Variants in SNX27 observed in about 807,000 individuals in gnomAD.
SNX27 encodes the protein sorting nexin-27.
In SNX27, 22 loss-of-function variants were observed where a neutral mutation model predicts 71.6. The observed-to-expected ratio is 0.31, with a 90% confidence interval of 0.22 to 0.44. The LOEUF is 0.44. Among genes scored for constraint, SNX27 ranks in the 20% least tolerant of loss-of-function variants. The pLI is 1.00. For missense variants in SNX27, 531 were observed against 698.6 expected (o/e 0.76, Z 2.70); for synonymous variants, 269 against 277.2 (o/e 0.97, Z 0.29).
chr1:151,673,829 A>G (rs751718916), intron 7 of SNX27, among the ~76,000 whole-genome samples: 4 of 151,872 alleles, frequency 2.6e-5, no homozygotes, highest in African/African-American at 4.8e-5. Flanking sequence ...CTTACAATCT[A>G]TTTTGTCTGA....
In SNX27 at chr1:151,624,327, T is replaced by A. The variant is rs1266480317; in HGVS notation, c.311+11815T>A. Among the ~76,000 whole-genome samples the A allele has an allele frequency of 2.0e-5, 3 of 151,872 alleles. 1 individual carries two copies. The highest frequency in any genetic ancestry group is 4.4e-5 in the Non-Finnish European group (3 of 67,952). On this transcript the variant is annotated intron_variant, in intron 1 of 11. Transcript: ENST00000458013. Reference sequence around the variant, plus strand: ...AGTGAAATGGACAGGTTTGTTTTTATTCTTGGTGACAAGTGGTTACATTGG... The same window carrying A: ...AGTGAAATGGACAGGTTTGTTTTTAATCTTGGTGACAAGTGGTTACATTGG...
chr1:151,626,204 G>A (rs188013217), intron 1 of SNX27, among the ~76,000 whole-genome samples: 1 of 150,642 alleles, frequency 6.6e-6, no homozygotes, highest in East Asian at 1.9e-4. Flanking sequence ...AAGGATTTGA[G>A]AAGTAAAGCT....
chr1:151,683,379 T>A lies in SNX27; in HGVS notation c.1173T>A (p.Gly391=). 6.2e-7 allele frequency: 1 copy of A among 1,613,232 alleles called. No individual in the cohort carries two copies. The highest frequency in any genetic ancestry group is 8.5e-7 in the Non-Finnish European group (1 of 1,179,754). ...AGGCAGTCGATGATGTGAAGAAAGGTTACATCAAAGCAGAAGAAAAGTCCT... is the reference window on the plus strand; with the variant it reads ...AGGCAGTCGATGATGTGAAGAAAGGATACATCAAAGCAGAAGAAAAGTCCT... The part of the protein sequence containing the change: ...FHQAVDDVKK[G]YIKAEEKSYQ... The change falls in exon 8 of 12, where the codon GGT becomes GGA. Residue 391 remains glycine, a synonymous_variant. Coordinates refer to ENST00000458013, the MANE Select transcript of SNX27 (RefSeq NM_001330723.2).
chr1:151,639,568 GTC>G (rs1668625000), intron 2 of SNX27, among the ~76,000 whole-genome samples: 1 of 152,248 alleles, frequency 6.6e-6, no homozygotes, highest in East Asian at 1.9e-4. Context: ...GAACTTAGAT[GTC>G]TCTACTCTTC....
intron 8 of SNX27, among the ~76,000 whole-genome samples, chr1:151,692,072 T>G (rs565150011): frequency 3.3e-5 from 5 of 152,046 alleles, no homozygotes; most frequent in Non-Finnish European, 5.9e-5. Flanking sequence ...TGGTGGTGTG[T>G]GCCTGTGGTC....
chr1:151,623,636 A>G (rs746799265), intron 1 of SNX27, among the ~76,000 whole-genome samples: 52 of 150,030 alleles, frequency 3.5e-4, no homozygotes, highest in Admixed American at 1.6e-3. Context: ...GTGGATTCAA[A>G]TGATCCTCCC....
At chr1:151,673,604 C>T (rs1283859566) in intron 7 of SNX27, among the ~76,000 whole-genome samples, 1 of 152,078 alleles carries the variant, frequency 6.6e-6, no homozygotes, top group Non-Finnish European at 1.5e-5. Context: ...GAAGATCTGT[C>T]CAGTACTGAA....
chr1:151,629,491 GTA>G (rs1410373491), intron 1 of SNX27: 1 of 147,514 alleles, frequency 6.8e-6, no homozygotes, highest in Non-Finnish European at 1.5e-5. Flanking sequence ...ATATATACAT[GTA>G]TGCGTATATA....
intron 2 of SNX27, among the ~76,000 whole-genome samples, chr1:151,652,690 C>T (rs1394761476): frequency 6.6e-6 from 1 of 152,020 alleles, no homozygotes; most frequent in African/African-American, 2.4e-5. Context: ...GAATTACAGG[C>T]GTGAGCCACT....
intron 4 of SNX27, 46 bp downstream of exon 4, chr1:151,660,908 G>T: frequency 7.1e-7 from 1 of 1,415,576 alleles, no homozygotes; most frequent in South Asian, 1.1e-5. Context: ...TTGGCTCCTT[G>T]TGGGGGAAAA....
chr1:151,658,946 A>G (rs1177988020), intron 3 of SNX27, among the ~76,000 whole-genome samples: 3 of 152,158 alleles, frequency 2.0e-5, no homozygotes, highest in Non-Finnish European at 4.4e-5. Flanking sequence ...GGCCTCCCAA[A>G]GTGCTGGGAT....
At chr1:151,677,834 T>C (rs190221667) in intron 7 of SNX27, 5 of 152,362 alleles carry the variant, frequency 3.3e-5, no homozygotes, top group African/African-American at 9.6e-5. Flanking sequence ...CAGTATCTTA[T>C]ATCCAGCAAC....
intron 1 of SNX27, among the ~76,000 whole-genome samples, chr1:151,633,428 C>T (rs974615348): frequency 6.6e-6 from 1 of 152,020 alleles, no homozygotes. Flanking sequence ...CCCCAAGTAG[C>T]CAGGACTGCA....
intron 1 of SNX27, among the ~76,000 whole-genome samples, chr1:151,625,950 CA>C (rs879688727): frequency 7.6e-5 from 11 of 143,906 alleles, no homozygotes; most frequent in African/African-American, 1.8e-4. Flanking sequence ...ACTGTGTCAC[CA>C]AAAAAAAAAT....
intron 1 of SNX27, among the ~76,000 whole-genome samples, chr1:151,628,207 G>A (rs182617432): frequency 5.3e-5 from 8 of 151,930 alleles, no homozygotes; most frequent in East Asian, 3.9e-4. Context: ...GGGTTTTACC[G>A]TATTGGCCAG....
chr1:151,680,939 G>A (rs544811768), intron 7 of SNX27, among the ~76,000 whole-genome samples: 3 of 152,190 alleles, frequency 2.0e-5, no homozygotes, highest in Admixed American at 6.5e-5. Flanking sequence ...TATAATCCTC[G>A]GTGCCTAAGT....
In SNX27 at chr1:151,619,295, C is replaced by G. The variant is rs145857399; in HGVS notation, c.311+6783C>G. Among the ~76,000 whole-genome samples the G allele has an allele frequency of 1.9e-4, 29 of 152,322 alleles. No homozygotes were observed. In the East Asian group the frequency reaches 5.2e-3, roughly 27 times the overall value. Reference sequence around the variant, plus strand: ...TGTTGAGGCTGCAGTGAGCCATGATCACATCACTGACCTCAAGCCTGGGAG... The same window carrying G: ...TGTTGAGGCTGCAGTGAGCCATGATGACATCACTGACCTCAAGCCTGGGAG... On this transcript the variant is annotated intron_variant, in intron 1 of 11. Transcript: ENST00000458013.
intron 7 of SNX27, among the ~76,000 whole-genome samples, chr1:151,670,077 T>C (rs1670392976): frequency 6.6e-6 from 1 of 152,186 alleles, no homozygotes; most frequent in Non-Finnish European, 1.5e-5. Context: ...GTAACCATCC[T>C]ACTCTCTATC....
chr1:151,655,508 G>A (rs575377635), intron 2 of SNX27, among the ~76,000 whole-genome samples: 13 of 152,284 alleles, frequency 8.5e-5, no homozygotes, highest in African/African-American at 2.6e-4. Flanking sequence ...TGGCCTCCTC[G>A]AACTTCAGTT....
Sources: gnomAD v4.1 joint callset for allele counts (sites outside exome capture counted in the v4.1 genomes callset) on GRCh38, gnomAD v4.1.1 for gene constraint, MANE v1.5 for transcripts, NCBI Gene and HGNC (gene_info 2026-07-23, HGNC 2026-07-21) for gene names.